The following FSTL5 variants were observed in gnomAD, a reference collection of about 807,000 sequenced individuals.
FSTL5 encodes the protein follistatin like 5, also known as follistatin-related protein 5.
A neutral mutation model predicts 89.1 loss-of-function variants in FSTL5; 62 were observed. The observed-to-expected ratio is 0.70, with a 90% CI of 0.57 to 0.86. FSTL5 has a LOEUF of 0.86. FSTL5 is among the 40% of genes least tolerant of loss of function. The probability of loss-of-function intolerance (pLI) is 0.00; values close to 1 mark genes in which losing one functional copy is unlikely to be tolerated. For missense variants in FSTL5, 1,057 were observed against 1,001.6 expected, an observed-to-expected ratio of 1.06 and a Z score of -0.75; for synonymous variants, 383 against 346.2, an observed-to-expected ratio of 1.11 and a Z score of -1.18.
At chr4:161,453,645 G>C (rs1733248727) in intron 15 of FSTL5, among the ~76,000 whole-genome samples, 1 of 151,942 alleles carries the variant, frequency 6.6e-6, no homozygotes, top group Non-Finnish European at 1.5e-5. Flanking sequence ...GCCGAGGCTG[G>C]AGCACAAGGT....
intron 4 of FSTL5, among the ~76,000 whole-genome samples, chr4:161,846,655 A>G (rs1731379250): frequency 2.0e-5 from 3 of 152,260 alleles, no homozygotes; most frequent in East Asian, 1.9e-4. Context: ...AAACCACAAT[A>G]TCAAGTAGTT....
intron 10 of FSTL5, among the ~76,000 whole-genome samples, chr4:161,537,612 A>G (rs1421707651): frequency 6.6e-6 from 1 of 152,150 alleles, no homozygotes; most frequent in African/African-American, 2.4e-5. Context: ...CAATCAGACA[A>G]CATGAACCAT....
intron 13 of FSTL5, among the ~76,000 whole-genome samples, chr4:161,473,793 C>T (rs1203282566): frequency 2.0e-5 from 3 of 152,128 alleles, no homozygotes; most frequent in Non-Finnish European, 4.4e-5. Context: ...GTTTTGGTTA[C>T]TCAGTGCATG....
At chr4:161,490,182 C>A (rs922845251) in intron 12 of FSTL5, among the ~76,000 whole-genome samples, 3 of 152,098 alleles carry the variant, frequency 2.0e-5, no homozygotes, top group African/African-American at 4.8e-5. Flanking sequence ...CATTACAAAT[C>A]CATAAAAAAT....
intron 3 of FSTL5, among the ~76,000 whole-genome samples, chr4:162,000,847 C>A (rs975629052): frequency 6.6e-6 from 1 of 151,724 alleles, no homozygotes; most frequent in African/African-American, 2.4e-5. Context: ...CAGCCCTTGG[C>A]ACAAAATAAG....
intron 7 of FSTL5, among the ~76,000 whole-genome samples, chr4:161,592,745 T>G (rs1733868689): frequency 6.6e-6 from 1 of 152,178 alleles, no homozygotes; most frequent in Non-Finnish European, 1.5e-5. Flanking sequence ...CGTGAGCAAG[T>G]GTCTTTATAG....
chr4:161,960,658 C>T (rs1735151671), intron 3 of FSTL5, among the ~76,000 whole-genome samples: 1 of 151,874 alleles, frequency 6.6e-6, no homozygotes, highest in East Asian at 1.9e-4. Context: ...TATTGTTTTA[C>T]AATAATTTAT....
intron 15 of FSTL5, among the ~76,000 whole-genome samples, chr4:161,427,704 A>G (rs1018556542): frequency 3.9e-5 from 6 of 152,178 alleles, no homozygotes; most frequent in African/African-American, 1.4e-4. Context: ...AATAAAACAC[A>G]CATATATAAA....
chr4:161,868,168 T>A (rs1732152131), intron 4 of FSTL5, among the ~76,000 whole-genome samples: 1 of 152,048 alleles, frequency 6.6e-6, no homozygotes, highest in Non-Finnish European at 1.5e-5. Context: ...ATTAGGGAAA[T>A]AAATAAACAT....
rs34423160 is a variant in FSTL5, at chr4:161,775,862, T to G, written c.606+16A>C. On this transcript the variant is annotated intron_variant, in intron 5 of 15. Coordinates refer to ENST00000306100, the MANE Select transcript of FSTL5 (RefSeq NM_020116.5). ...CTATATTTCAGTAAGTTTGTTAATA[T>G]AGTCACTAATCATACCTGAGTTAGT... is the stretch of plus-strand genomic sequence containing the variant. The G allele has an allele frequency of 0.098, 129,653 of 1,318,178 alleles. 13,964 individuals are homozygous for G. The highest frequency in any genetic ancestry group is 0.51 in the African/African-American group (33,823 of 65,760). The allele number at this position is 1,318,178 out of a possible 1,614,324, so 81.7% of individuals were successfully genotyped here.
chr4:161,556,846 G>GTATATATATATA, intron 8 of FSTL5, among the ~76,000 whole-genome samples: 1 of 142,670 alleles, frequency 7.0e-6, no homozygotes, highest in Non-Finnish European at 1.6e-5. Context: ...GTGTGTGTGT[G>GTATATATATATA]TATATATATA....
chr4:162,147,727 T>C (rs1733057419), intron 1 of FSTL5, among the ~76,000 whole-genome samples: 1 of 152,142 alleles, frequency 6.6e-6, no homozygotes, highest in Non-Finnish European at 1.5e-5. Context: ...AAAATTAATG[T>C]TTGGGCCAGG....
intron 1 of FSTL5, among the ~76,000 whole-genome samples, chr4:162,120,638 T>A (rs1731819723): frequency 6.6e-6 from 1 of 152,028 alleles, no homozygotes; most frequent in South Asian, 2.1e-4. Context: ...GACTGTGAAG[T>A]GAGTCAAAAA....
intron 10 of FSTL5, among the ~76,000 whole-genome samples, chr4:161,536,709 G>T (rs764006018): frequency 6.6e-6 from 1 of 152,016 alleles, no homozygotes; most frequent in African/African-American, 2.4e-5. Context: ...CACACTAAAA[G>T]GTTGTATGAT....
intron 13 of FSTL5, among the ~76,000 whole-genome samples, chr4:161,470,798 C>A (rs995632618): frequency 2.0e-5 from 3 of 152,034 alleles, no homozygotes; most frequent in Admixed American, 1.3e-4. Flanking sequence ...CCTTGTATGT[C>A]TTTCACCTTC....
At chr4:161,782,501 A>G (rs1741709590) in intron 4 of FSTL5, among the ~76,000 whole-genome samples, 1 of 152,160 alleles carries the variant, frequency 6.6e-6, no homozygotes, top group African/African-American at 2.4e-5. Context: ...AAGTGATTAT[A>G]TTTTATAAGA....
chr4:161,435,241 TA>T (rs112165337), intron 15 of FSTL5, among the ~76,000 whole-genome samples: 2,377 of 152,024 alleles, frequency 0.016, 58 homozygotes, highest in African/African-American at 0.054. Context: ...TAATCAGTTA[TA>T]AAAAAAATGA....
chr4:161,606,773 G>A (rs567352803), intron 7 of FSTL5, among the ~76,000 whole-genome samples: 1 of 152,082 alleles, frequency 6.6e-6, no homozygotes, highest in Non-Finnish European at 1.5e-5. Context: ...CTGAATATCT[G>A]GAGACCATTT....
chr4:161,676,501 C>T (rs1417095944), intron 6 of FSTL5, among the ~76,000 whole-genome samples: 2 of 151,618 alleles, frequency 1.3e-5, no homozygotes, highest in African/African-American at 4.8e-5. Flanking sequence ...CGGGGCCTGT[C>T]GGGAGGTGAG....
Sources: gnomAD v4.1 joint callset for allele counts (sites outside exome capture counted in the v4.1 genomes callset) on GRCh38, gnomAD v4.1.1 for gene constraint, MANE v1.5 for transcripts, NCBI Gene and HGNC (gene_info 2026-07-23, HGNC 2026-07-21) for gene names.